Variants in CHST9 observed in about 807,000 individuals in gnomAD.
CHST9 encodes carbohydrate sulfotransferase 9.
CHST9 carries 41 observed loss-of-function variants against 44.4 expected under a neutral mutation model. The ratio of observed to expected loss-of-function variants is 0.92; its 90% CI spans 0.72 to 1.20. The LOEUF is 1.20. CHST9 is among the 50% of genes most tolerant of loss of function. The pLI is 0.00. For missense variants in CHST9, 504 were observed against 516.5 expected (o/e 0.98, Z 0.23); for synonymous variants, 171 against 178.4 (o/e 0.96, Z 0.33).
At chr18:27,031,768 C>G (rs1340139962) in intron 3 of CHST9, among the ~76,000 whole-genome samples, 2 of 152,146 alleles carry the variant, frequency 1.3e-5, no homozygotes, top group East Asian at 3.9e-4. Context: ...TTGAAACAGC[C>G]CTCATCCTTC....
chr18:27,021,070 G>A (rs183929585), intron 4 of CHST9, among the ~76,000 whole-genome samples: 108 of 152,258 alleles, frequency 7.1e-4, no homozygotes, highest in Middle Eastern at 3.4e-3. Flanking sequence ...TATTTCAGAG[G>A]AGGTGGACAG....
At chr18:27,029,819 G>C (rs2057321990) in intron 3 of CHST9, among the ~76,000 whole-genome samples, 1 of 152,112 alleles carries the variant, frequency 6.6e-6, no homozygotes, top group African/African-American at 2.4e-5. Flanking sequence ...GGTATCCATG[G>C]ATGCAGAAAC....
intron 2 of CHST9, among the ~76,000 whole-genome samples, chr18:27,049,080 G>T (rs1019056998): frequency 2.0e-5 from 3 of 152,134 alleles, no homozygotes; most frequent in Admixed American, 6.6e-5. Flanking sequence ...GGGCTAAATG[G>T]ACAGGGTATT....
chr18:26,949,926 C>A (rs1419134705), intron 4 of CHST9, among the ~76,000 whole-genome samples: 1 of 152,160 alleles, frequency 6.6e-6, no homozygotes, highest in Non-Finnish European at 1.5e-5. Context: ...CCTCTGGAAA[C>A]TGGAAAAGGG....
At chr18:27,019,658 G>A (rs2057197162) in intron 4 of CHST9, among the ~76,000 whole-genome samples, 2 of 133,312 alleles carry the variant, frequency 1.5e-5, no homozygotes, top group African/African-American at 5.5e-5. Context: ...GCACAGAACT[G>A]GTCCAAATTG....
intron 2 of CHST9, among the ~76,000 whole-genome samples, chr18:27,114,957 G>A (rs1031329836): frequency 2.6e-5 from 4 of 152,150 alleles, no homozygotes; most frequent in Admixed American, 6.5e-5. Flanking sequence ...CCAGATGGAG[G>A]TAATTGAATC....
intron 5 of CHST9, among the ~76,000 whole-genome samples, chr18:26,921,874 C>T (rs1228123828): frequency 6.6e-6 from 1 of 152,146 alleles, no homozygotes; most frequent in Non-Finnish European, 1.5e-5. Flanking sequence ...TCCTGTCACC[C>T]ACTCACAAAA....
chr18:27,018,806 G>T (rs145689148), intron 4 of CHST9, among the ~76,000 whole-genome samples: 1 of 152,110 alleles, frequency 6.6e-6, no homozygotes, highest in African/African-American at 2.4e-5. Context: ...TCAGGCTGAC[G>T]GTGGGAAACA....
chr18:27,053,261 GGAGAAGGAGAAGGAGAAGGA>G, intron 2 of CHST9, among the ~76,000 whole-genome samples: 1 of 59,818 alleles, frequency 1.7e-5, no homozygotes, highest in African/African-American at 5.7e-5. Context: ...AGAAGAAGAA[GGAGAAGGAGAAGGAGAAGGA>G]GAAGGAGAAG....
At chr18:27,038,715 TC>T (rs990634214) in intron 3 of CHST9, among the ~76,000 whole-genome samples, 45 of 152,174 alleles carry the variant, frequency 3.0e-4, no homozygotes, top group African/African-American at 1.1e-3. Flanking sequence ...AGTGTTTTTT[TC>T]ATTAACCATA....
chr18:27,074,551 T>C (rs989745701), intron 2 of CHST9, among the ~76,000 whole-genome samples: 4 of 152,138 alleles, frequency 2.6e-5, no homozygotes, highest in Non-Finnish European at 5.9e-5. Flanking sequence ...CTCTAGGAAA[T>C]GAGGATGACA....
intron 1 of CHST9, among the ~76,000 whole-genome samples, chr18:27,145,857 A>T (rs1160306078): frequency 6.6e-6 from 1 of 152,232 alleles, no homozygotes; most frequent in Admixed American, 6.5e-5. Flanking sequence ...AAGGGAAGCT[A>T]TGAAATGAAG....
intron 4 of CHST9, among the ~76,000 whole-genome samples, chr18:26,998,739 CAAAAAAA>C (rs11480705): frequency 8.8e-6 from 1 of 114,132 alleles, no homozygotes; most frequent in Non-Finnish European, 1.9e-5. Context: ...ACAACAACAA[CAAAAAAA>C]AAAAAAAAAG....
intron 4 of CHST9, among the ~76,000 whole-genome samples, chr18:26,983,916 C>T (rs180815216): frequency 3.3e-5 from 5 of 152,266 alleles, no homozygotes; most frequent in Non-Finnish European, 5.9e-5. Context: ...GTTACTGAGT[C>T]TTGATATACA....
At chr18:26,968,006 G>GGGT (rs2056489155) in intron 4 of CHST9, among the ~76,000 whole-genome samples, 1 of 152,180 alleles carries the variant, frequency 6.6e-6, no homozygotes, top group Non-Finnish European at 1.5e-5. Flanking sequence ...GGGCTCTCAG[G>GGGT]CCTTCGGCCG....
intron 1 of CHST9, among the ~76,000 whole-genome samples, chr18:27,181,454 T>A (rs2143984410): frequency 6.6e-6 from 1 of 152,350 alleles, no homozygotes; most frequent in Admixed American, 6.5e-5. Flanking sequence ...GTTTTTGATT[T>A]GGAGCATAGG....
chr18:27,001,205 G>A (rs1212926684), intron 4 of CHST9, among the ~76,000 whole-genome samples: 1 of 152,192 alleles, frequency 6.6e-6, no homozygotes, highest in East Asian at 1.9e-4. Context: ...GTGCATATAA[G>A]TAGATTATGC....
chr18:26,912,645 T>C lies in CHST9; in HGVS notation c.*3614A>G, dbSNP rs2055456990. The C allele has an allele frequency of 6.6e-6, 1 of 152,212 alleles. No individual in the cohort carries two copies. 9.4% of individuals were successfully genotyped at this position (152,212 alleles called of 1,614,324 possible). ...CTATAGTCTGCTTTACTTTCCTTTATGATAGATGGAAAGGGAGAGGGCTAC... is the reference window on the plus strand; with the variant it reads ...CTATAGTCTGCTTTACTTTCCTTTACGATAGATGGAAAGGGAGAGGGCTAC... On this transcript the variant is annotated 3_prime_UTR_variant, in exon 6 of 6. Transcript: ENST00000618847.
At position 27,013,923 on chromosome 18, in the gene CHST9, C is replaced by T. The variant is rs117823418; in HGVS notation, c.202+10193G>A. ...TTTATGTAAAAGTAGGTTGGGCACA[C>T]CTTTGGTAACATCAAACCTTTGGAA... On this transcript the variant is annotated intron_variant, in intron 4 of 5. Transcript: ENST00000618847. 5.1e-3 allele frequency among the ~76,000 whole-genome samples: 776 copies of T among 152,160 alleles called. 3 individuals carry two copies. The highest frequency in any genetic ancestry group is 8.6e-3 in the Non-Finnish European group (582 of 67,998).
Sources: gnomAD v4.1 joint callset for allele counts (sites outside exome capture counted in the v4.1 genomes callset) on GRCh38, gnomAD v4.1.1 for gene constraint, MANE v1.5 for transcripts, NCBI Gene and HGNC (gene_info 2026-07-23, HGNC 2026-07-21) for gene names.